The following ME2 variants were observed in gnomAD, a reference collection of about 807,000 sequenced individuals.
ME2 encodes the protein NAD-dependent malic enzyme, mitochondrial.
ME2 carries 60 observed loss-of-function variants against 73.7 expected under a neutral mutation model. The ratio of observed to expected loss-of-function variants is 0.81; its 90% CI spans 0.66 to 1.01. The LOEUF (loss-of-function observed/expected upper bound fraction) is 1.01, where lower values mean the gene tolerates loss of function less well. Among genes scored for constraint, ME2 ranks in the 50% least tolerant of loss-of-function variants. The pLI is 0.00. For missense variants in ME2, 594 were observed against 705.5 expected (o/e 0.84, Z 1.79); for synonymous variants, 199 against 236.9 (o/e 0.84, Z 1.47).
intron 2 of ME2, among the ~76,000 whole-genome samples, chr18:50,906,959 A>G (rs899118868): frequency 4.6e-5 from 7 of 152,008 alleles, no homozygotes; most frequent in African/African-American, 1.7e-4. Flanking sequence ...GAAAGCTCCA[A>G]CCCCATGGTC....
At chr18:50,884,950 G>A (rs540602296) in intron 1 of ME2, among the ~76,000 whole-genome samples, 2 of 152,166 alleles carry the variant, frequency 1.3e-5, no homozygotes, top group Admixed American at 1.3e-4. Context: ...CGCCTCTCGG[G>A]TTCAAGCAAT....
intron 1 of ME2, among the ~76,000 whole-genome samples, chr18:50,885,514 T>C (rs1448136607): frequency 6.6e-6 from 1 of 151,690 alleles, no homozygotes; most frequent in Non-Finnish European, 1.5e-5. Flanking sequence ...TGAGATACTG[T>C]CTCTAAAAAA....
At chr18:50,888,654 G>GTGTGTAC (rs917666806) in intron 1 of ME2, among the ~76,000 whole-genome samples, 12 of 152,038 alleles carry the variant, frequency 7.9e-5, no homozygotes, top group African/African-American at 2.7e-4. Flanking sequence ...GAAAATCTAA[G>GTGTGTAC]TGTGTACATC....
chr18:50,910,440 GAAAAAAA>G (rs1207940247), intron 3 of ME2, among the ~76,000 whole-genome samples: 23 of 80,370 alleles, frequency 2.9e-4, no homozygotes, highest in South Asian at 1.2e-3. Context: ...CCCTGTCTCA[GAAAAAAA>G]AAAAAAAAAA....
intron 1 of ME2, among the ~76,000 whole-genome samples, chr18:50,894,525 G>A (rs910504294): frequency 7.4e-5 from 11 of 149,330 alleles, no homozygotes; most frequent in Non-Finnish European, 1.5e-4. Flanking sequence ...CCGTGATCGC[G>A]CCGTTGCACT....
chr18:50,919,359 C>T (rs1197479243), intron 7 of ME2, among the ~76,000 whole-genome samples: 2 of 152,152 alleles, frequency 1.3e-5, no homozygotes, highest in African/African-American at 2.4e-5. Context: ...ATTGCTGGCA[C>T]GTAGAAGATA....
At chr18:50,918,373 A>T (rs1252799911) in intron 7 of ME2, among the ~76,000 whole-genome samples, 160 bp downstream of exon 7, 1 of 152,006 alleles carries the variant, frequency 6.6e-6, no homozygotes, top group Non-Finnish European at 1.5e-5. Context: ...TTTCTGCCTG[A>T]TTAGATGTGC....
At position 50,932,303 on chromosome 18, in the gene ME2, CTTACAGATGGGCGAGTCT is replaced by C; in HGVS notation, c.1366_1383del (p.Asp456_Thr461del). The C allele has an allele frequency of 6.2e-7, 1 of 1,613,028 alleles. No individual in the cohort carries two copies. The highest frequency in any genetic ancestry group is 1.3e-5 in the African/African-American group (1 of 74,994). On this transcript the variant is annotated inframe_deletion, in exon 13 of 16. Coordinates refer to ENST00000321341, the MANE Select transcript of ME2 (RefSeq NM_002396.5). Reference sequence around the variant, plus strand: ...TGGCAGTCCATTTGGGCCAGTGAAACTTACAGATGGGCGAGTCTTTACACCAGGTCAAGGAAACAATGT... The same window carrying C: ...TGGCAGTCCATTTGGGCCAGTGAAACTTACACCAGGTCAAGGAAACAATGT...
rs757175835 is a variant in ME2 at position 50,951,866 on chromosome 18, C to CAAAAAAA, written c.*4713_*4719dup. 4 of 71,340 alleles carry CAAAAAAA rather than the reference C, an allele frequency of 5.6e-5. No homozygotes were observed. The highest frequency in any genetic ancestry group is 4.1e-4 in the East Asian group (1 of 2,436). 4.4% of individuals were successfully genotyped at this position (71,340 alleles called of 1,614,324 possible). ...TGGGCGACAGAGTGAGCCTCCATCT[C>CAAAAAAA]AAAAAAAAAAAAAAAAAAAAAAAAA... On this transcript the variant is annotated 3_prime_UTR_variant, in exon 16 of 16. Coordinates refer to ENST00000321341, the MANE Select transcript of ME2 (RefSeq NM_002396.5).
At chr18:50,921,574 T>G (rs1917429639) in intron 10 of ME2, among the ~76,000 whole-genome samples, 1 of 152,170 alleles carries the variant, frequency 6.6e-6, no homozygotes, top group Non-Finnish European at 1.5e-5. Context: ...TCTTTTAATT[T>G]TATTATTATT....
At chr18:50,932,200 C>A in intron 12 of ME2, 58 bp from the exon 13 acceptor site, 1 of 1,449,906 alleles carries the variant, frequency 6.9e-7, no homozygotes, top group Non-Finnish European at 9.6e-7. Context: ...ATGAATTCAC[C>A]TCAATTTTCT....
chr18:50,887,044 A>C (rs2144182048), intron 1 of ME2, among the ~76,000 whole-genome samples: 1 of 152,316 alleles, frequency 6.6e-6, no homozygotes, highest in South Asian at 2.1e-4. Context: ...GTTTCACAGC[A>C]GCTAAAAAGA....
At chr18:50,943,957 T>G (rs1918023775) in intron 15 of ME2, among the ~76,000 whole-genome samples, 5 of 152,158 alleles carry the variant, frequency 3.3e-5, no homozygotes. Flanking sequence ...GGCTCACTCC[T>G]GTAATCACAG....
Position 50,918,213 on chromosome 18 carries a change from G to A in ME2, c.734G>A (p.Arg245Lys), listed in dbSNP as rs1262506341. The change falls in exon 7 of 16, where the codon AGA becomes AAA. Residue 245 changes from arginine to lysine, a missense_variant and splice_region_variant. By Grantham distance (26) the Arg-to-Lys change is conservative (BLOSUM62 2). Transcript: ENST00000321341. ...GAGTTTATGAAAGCTATTACTGACAGGTATTTTTTAAAAGTTTGAGTATAT... is the reference window on the plus strand; with the variant it reads ...GAGTTTATGAAAGCTATTACTGACAAGTATTTTTTAAAAGTTTGAGTATAT... ...IDEFMKAITD[R>K]YGRNTLIQFE... 1.3e-6 allele frequency: 2 copies of A among 1,591,668 alleles called. No homozygotes were observed. Among genetic ancestry groups the A allele is most frequent in the Non-Finnish European group, 8.6e-7 (1 of 1,165,474 alleles).
At chr18:50,945,671 C>A in intron 15 of ME2, among the ~76,000 whole-genome samples, 1 of 152,072 alleles carries the variant, frequency 6.6e-6, no homozygotes, top group South Asian at 2.1e-4. Context: ...AAATATGAAA[C>A]TTTAATAATG....
intron 12 of ME2, among the ~76,000 whole-genome samples, chr18:50,927,980 AT>A (rs1286670459): frequency 6.6e-6 from 1 of 150,432 alleles, no homozygotes; most frequent in Non-Finnish European, 1.5e-5. Flanking sequence ...CACCCAGCTA[AT>A]TTTTTAATTT....
chr18:50,901,610 C>T (rs1916892307), intron 2 of ME2, among the ~76,000 whole-genome samples: 3 of 152,156 alleles, frequency 2.0e-5, no homozygotes, highest in East Asian at 1.9e-4. Flanking sequence ...GTAGAGTGCT[C>T]AAACAAGAAA....
intron 12 of ME2, among the ~76,000 whole-genome samples, chr18:50,931,976 C>G (rs545234175): frequency 2.3e-4 from 35 of 152,116 alleles, no homozygotes; most frequent in African/African-American, 8.2e-4. Context: ...AGCTTCTGTG[C>G]CTGGCCTTAA....
rs372136938 is a variant in ME2, at chr18:50,928,306, C to T, written c.1314+2408C>T. On this transcript the variant is annotated intron_variant, in intron 12 of 15. Coordinates refer to ENST00000321341, the MANE Select transcript of ME2 (RefSeq NM_002396.5). ...TGTTGCCCAGGCTAGAGTGCAGTGGCGTCATCTCACCTCACTGCAAACTCT... is the reference window on the plus strand; with the variant it reads ...TGTTGCCCAGGCTAGAGTGCAGTGGTGTCATCTCACCTCACTGCAAACTCT... Among the ~76,000 whole-genome samples, 15 of 149,192 alleles carry T rather than the reference C, an allele frequency of 1.0e-4. No homozygotes were observed. In the East Asian group the frequency reaches 2.4e-3, roughly 23 times the overall value.
Sources: allele counts gnomAD v4.1 joint callset (sites outside exome capture counted in the v4.1 genomes callset), GRCh38; gene constraint gnomAD v4.1.1; transcripts MANE v1.5; gene names NCBI Gene and HGNC (gene_info 2026-07-23, HGNC 2026-07-21).